Variants in CLNK observed in about 807,000 individuals in gnomAD.
CLNK encodes cytokine dependent hematopoietic cell linker.
CLNK carries 74 observed loss-of-function variants against 68.6 expected under a neutral mutation model. The observed-to-expected ratio is 1.08, with a 90% CI of 0.89 to 1.31. The LOEUF (loss-of-function observed/expected upper bound fraction) is 1.31, where lower values mean the gene tolerates loss of function less well. Among genes scored for constraint, CLNK ranks in the 50% most tolerant of loss-of-function variants. The probability of loss-of-function intolerance (pLI) is 0.00; values close to 1 mark genes in which losing one functional copy is unlikely to be tolerated. For missense variants in CLNK, 553 were observed against 515.3 expected, an observed-to-expected ratio of 1.07 and a Z score of -0.71; for synonymous variants, 198 against 172.2, an observed-to-expected ratio of 1.15 and a Z score of -1.17.
At position 10,653,307 on chromosome 4, in the gene CLNK, A is replaced by C. The variant is rs183143767; in HGVS notation, c.11+14552T>G. Among the ~76,000 whole-genome samples, 510 of 152,256 alleles carry C rather than the reference A, an allele frequency of 3.3e-3. 6 individuals are homozygous for C. Among genetic ancestry groups the C allele is most frequent in the African/African-American group, 0.012 (491 of 41,536 alleles). ...ATACCTATGTGTCATGGGTATACAA[A>C]ATGTGCAGACAAACCTGCACATTCT... is the stretch of plus-strand genomic sequence containing the variant. On this transcript the variant is annotated intron_variant, in intron 2 of 18. Coordinates refer to ENST00000226951, the MANE Select transcript of CLNK (RefSeq NM_052964.4).
the CLNK span, among the ~76,000 whole-genome samples, chr4:10,691,516 C>T: frequency 6.6e-6 from 1 of 151,964 alleles, no homozygotes; most frequent in South Asian, 2.1e-4. Flanking sequence ...CTCAATTCTA[C>T]ATTTAAATGG....
intron 2 of CLNK, among the ~76,000 whole-genome samples, chr4:10,641,476 C>T (rs554044678): frequency 6.6e-6 from 1 of 152,122 alleles, no homozygotes; most frequent in Non-Finnish European, 1.5e-5. Flanking sequence ...CCCCATTGCC[C>T]TTGGGATAGA....
intron 2 of CLNK, among the ~76,000 whole-genome samples, chr4:10,624,415 C>T (rs920884943): frequency 1.3e-5 from 2 of 152,228 alleles, no homozygotes; most frequent in African/African-American, 4.8e-5. Flanking sequence ...GCCTCAGCCT[C>T]CCGAGTAGCT....
chr4:10,586,425 C>T (rs976051381), intron 3 of CLNK, among the ~76,000 whole-genome samples: 3 of 149,470 alleles, frequency 2.0e-5, no homozygotes, highest in African/African-American at 7.4e-5. Flanking sequence ...AGCAATTCTC[C>T]TGCCTCAGCC....
At chr4:10,584,075 G>T (rs182198932) in intron 4 of CLNK, among the ~76,000 whole-genome samples, 14 of 152,182 alleles carry the variant, frequency 9.2e-5, no homozygotes, top group Non-Finnish European at 1.5e-4. Flanking sequence ...ATCTTGTTTA[G>T]GCCTGACTGG....
chr4:10,502,468 A>G (rs1717097226), intron 17 of CLNK, among the ~76,000 whole-genome samples: 1 of 152,070 alleles, frequency 6.6e-6, no homozygotes, highest in African/African-American at 2.4e-5. Flanking sequence ...AGATCTGTGT[A>G]GGGTCACAGA....
intron 11 of CLNK, among the ~76,000 whole-genome samples, chr4:10,537,684 TTCCTTCCTTCCTTC>T (rs1718838850): frequency 3.4e-5 from 2 of 58,962 alleles, no homozygotes; most frequent in African/African-American, 6.6e-5. Flanking sequence ...TCTTTCTTCC[TTCCTTCCTTCCTTC>T]CTTCCTTCCT....
intron 2 of CLNK, among the ~76,000 whole-genome samples, chr4:10,664,915 AC>A (rs1339265300): frequency 3.3e-5 from 5 of 152,162 alleles, no homozygotes; most frequent in African/African-American, 1.2e-4. Flanking sequence ...TTTAATATTT[AC>A]TTTTTACTTT....
chr4:10,578,154 G>A lies in CLNK; in HGVS notation c.113-6376C>T, dbSNP rs115243550. ...ATAATTACCAGAGGATAACTTCTTGGCTCAGTGCCCAGTAACAAGATGCTG... is the reference window on the plus strand; with the variant it reads ...ATAATTACCAGAGGATAACTTCTTGACTCAGTGCCCAGTAACAAGATGCTG... On this transcript the variant is annotated intron_variant, in intron 4 of 18. Coordinates refer to ENST00000226951, the MANE Select transcript of CLNK (RefSeq NM_052964.4). 7.4e-3 allele frequency among the ~76,000 whole-genome samples: 1,120 copies of A among 152,298 alleles called. 12 individuals are homozygous for A. The highest frequency in any genetic ancestry group is 0.025 in the African/African-American group (1,047 of 41,552).
intron 1 of CLNK, among the ~76,000 whole-genome samples, chr4:10,682,539 A>G (rs900605580): frequency 3.3e-5 from 5 of 152,190 alleles, no homozygotes; most frequent in Non-Finnish European, 7.3e-5. Flanking sequence ...CTCACTCTCG[A>G]AGCAACACAC....
At chr4:10,608,510 C>T (rs927514333) in intron 2 of CLNK, among the ~76,000 whole-genome samples, 10 of 152,190 alleles carry the variant, frequency 6.6e-5, no homozygotes, top group African/African-American at 2.2e-4. Context: ...CCTTAGTGAA[C>T]AACAGCTGTG....
intron 5 of CLNK, 43 bp from the exon 6 acceptor site, chr4:10,566,193 A>C (rs373498973): frequency 6.2e-6 from 10 of 1,603,300 alleles, no homozygotes; most frequent in Non-Finnish European, 7.7e-6. Flanking sequence ...GGAAGGTACA[A>C]TGTTGACAAA....
Position 10,542,856 on chromosome 4 carries a change from T to G in CLNK, c.446-576A>C, listed in dbSNP as rs77199863. Among the ~76,000 whole-genome samples the G allele has an allele frequency of 6.9e-3, 1,045 of 152,100 alleles. 7 individuals are homozygous for G. Among genetic ancestry groups the G allele is most frequent in the Non-Finnish European group, 9.5e-3 (645 of 67,980 alleles). On this transcript the variant is annotated intron_variant, in intron 8 of 18. Coordinates refer to ENST00000226951, the MANE Select transcript of CLNK (RefSeq NM_052964.4). Reference sequence around the variant, plus strand: ...AAAACTAAGGACAAACTAGGTGGGATAATTTCTCAAGGACAATTAACCTTA... The same window carrying G: ...AAAACTAAGGACAAACTAGGTGGGAGAATTTCTCAAGGACAATTAACCTTA...
intron 2 of CLNK, among the ~76,000 whole-genome samples, chr4:10,648,440 T>C (rs1723597669): frequency 6.6e-6 from 1 of 152,318 alleles, no homozygotes; most frequent in Non-Finnish European, 1.5e-5. Flanking sequence ...GTAACTCTTA[T>C]CTAGCAGAGA....
chr4:10,629,503 T>C (rs1722803551), intron 2 of CLNK, among the ~76,000 whole-genome samples: 1 of 152,070 alleles, frequency 6.6e-6, no homozygotes, highest in South Asian at 2.1e-4. Flanking sequence ...GGATCAGAAG[T>C]GGGCACAGCT....
At chr4:10,678,203 C>A (rs925163384) in intron 1 of CLNK, among the ~76,000 whole-genome samples, 3 of 152,168 alleles carry the variant, frequency 2.0e-5, no homozygotes, top group African/African-American at 7.2e-5. Flanking sequence ...CTGAATTATA[C>A]AGTGAATTGT....
At chr4:10,698,577 C>T in the CLNK span, among the ~76,000 whole-genome samples, 1 of 152,208 alleles carries the variant, frequency 6.6e-6, no homozygotes, top group Non-Finnish European at 1.5e-5. Context: ...CCTGTCCCTT[C>T]TGTCTCTTGA....
intron 2 of CLNK, among the ~76,000 whole-genome samples, chr4:10,655,187 A>T (rs1403537960): frequency 6.6e-6 from 1 of 151,382 alleles, no homozygotes; most frequent in Non-Finnish European, 1.5e-5. Context: ...TTGTGGCATT[A>T]TGTTGAAGAA....
Position 10,525,895 on chromosome 4 carries a change from G to T in CLNK, c.677C>A (p.Ser226Ter). Residue 226 changes from serine (S) to a stop codon, truncating the protein, a stop_gained, in exon 14 of 19, where the codon TCA becomes TAA. Transcript: ENST00000226951. LOFTEE classifies it high-confidence loss of function. ...KVPHNQRKPESTHLLENQNTQ... is the reference protein window; with the variant it reads ...KVPHNQRKPE ...ATTTTGGTTTTCTAACAGATGAGTT[G>T]ATTCAGGCTTCCTCTGGTTATGAGG... The T allele has an allele frequency of 6.3e-7, 1 of 1,579,490 alleles. No individual in the cohort carries two copies. The highest frequency in any genetic ancestry group is 2.3e-5 in the East Asian group (1 of 43,978).
Sources: allele counts gnomAD v4.1 joint callset (sites outside exome capture counted in the v4.1 genomes callset), GRCh38; gene constraint gnomAD v4.1.1; transcripts MANE v1.5; gene names NCBI Gene and HGNC (gene_info 2026-07-23, HGNC 2026-07-21).